Variants in ALKBH5 observed in about 807,000 individuals in gnomAD.
ALKBH5 encodes the protein RNA demethylase ALKBH5.
A neutral mutation model predicts 32.1 loss-of-function variants in ALKBH5; 2 were observed. The observed-to-expected ratio is 0.06, with a 90% CI of 0.03 to 0.20. ALKBH5 has a LOEUF of 0.20. Ranked by LOEUF, ALKBH5 falls within the 10% of genes least tolerant of loss-of-function variation. ALKBH5 has a pLI of 1.00. For synonymous variants in ALKBH5, 300 were observed against 231.7 expected (o/e 1.29, Z -2.68); for missense variants, 352 against 559.5 (o/e 0.63, Z 3.74).
At chr17:18,204,676 C>T (rs1264080613) in intron 2 of ALKBH5, among the ~76,000 whole-genome samples, 1 of 151,644 alleles carries the variant, frequency 6.6e-6, no homozygotes, top group Non-Finnish European at 1.5e-5. Context: ...GTGGGAGGAT[C>T]GCTTGAAGTT....
At chr17:18,205,426 T>G (rs2047264039) in intron 2 of ALKBH5, among the ~76,000 whole-genome samples, 1 of 152,190 alleles carries the variant, frequency 6.6e-6, no homozygotes, top group Non-Finnish European at 1.5e-5. Flanking sequence ...CCCAAAGGGA[T>G]GGGGATGCCT....
intron 3 of ALKBH5, 105 bp from the exon 4 acceptor site, chr17:18,208,114 A>G (rs1476468754): frequency 3.2e-6 from 4 of 1,248,868 alleles, no homozygotes; most frequent in Non-Finnish European, 4.5e-6. Flanking sequence ...GTTGAGGACC[A>G]CTGAGCTGAA....
chr17:18,202,337 A>G (rs546721786), intron 2 of ALKBH5, among the ~76,000 whole-genome samples: 1 of 152,136 alleles, frequency 6.6e-6, no homozygotes, highest in East Asian at 1.9e-4. Context: ...AAAAAAAAAC[A>G]GAAGTCTGAT....
At chr17:18,191,949 T>TTAAAAAAA (rs2047177502) in intron 1 of ALKBH5, among the ~76,000 whole-genome samples, 2 of 140,748 alleles carry the variant, frequency 1.4e-5, no homozygotes, top group African/African-American at 5.3e-5. Flanking sequence ...ACTCTGTCTT[T>TTAAAAAAA]AAAAAAAAAA....
intron 1 of ALKBH5, among the ~76,000 whole-genome samples, chr17:18,188,542 G>T (rs2047153579): frequency 6.6e-6 from 1 of 152,222 alleles, no homozygotes; most frequent in Non-Finnish European, 1.5e-5. Flanking sequence ...GGGCAGATAG[G>T]TCCTGGGCCA....
At chr17:18,189,473 A>G (rs1390798589) in intron 1 of ALKBH5, among the ~76,000 whole-genome samples, 1 of 152,200 alleles carries the variant, frequency 6.6e-6, no homozygotes, top group Non-Finnish European at 1.5e-5. Flanking sequence ...TCTGGGGGAT[A>G]TAGGTTCATC....
At chr17:18,194,812 T>C (rs2047196493) in intron 1 of ALKBH5, 143 bp from the exon 2 acceptor site, 1 of 632,116 alleles carries the variant, frequency 1.6e-6, no homozygotes, top group African/African-American at 1.8e-5. Flanking sequence ...TGATATTCCC[T>C]TCCATGTAGA....
At position 18,184,333 on chromosome 17, in the gene ALKBH5, CGCCGCCGCTGCCGCAGCCGCCGTA is replaced by C. The variant is rs1338040647; in HGVS notation, c.99_122del (p.Val38_Ala45del). 1.1e-5 allele frequency: 16 copies of C among 1,511,478 alleles called. No individual in the cohort carries two copies. The highest frequency in any genetic ancestry group is 5.2e-5 in the East Asian group (2 of 38,738). The allele number at this position is 1,511,478 out of a possible 1,614,324, so 93.6% of individuals were successfully genotyped here. A position where few individuals can be genotyped will look rare whatever the true frequency, so the allele number is the denominator to read the frequency against. On this transcript the variant is annotated inframe_deletion, in exon 1 of 4. Coordinates refer to ENST00000399138, the MANE Select transcript of ALKBH5 (RefSeq NM_017758.4). ...ACTATAAGGCGGGCAGCCGGGAGGC[CGCCGCCGCTGCCGCAGCCGCCGTA>C]GCCGCCGCAGCCGCAGCCGCCGCTG...
At chr17:18,199,790 C>G (rs1157556980) in intron 2 of ALKBH5, among the ~76,000 whole-genome samples, 1 of 152,072 alleles carries the variant, frequency 6.6e-6, no homozygotes, top group African/African-American at 2.4e-5. Flanking sequence ...AGGGTATTCT[C>G]TGGGAGCCCT....
rs1477046611 is a variant in ALKBH5 at position 18,209,890 on chromosome 17, G to C, written c.*1494G>C. On this transcript the variant is annotated 3_prime_UTR_variant, in exon 4 of 4. Coordinates refer to ENST00000399138, the MANE Select transcript of ALKBH5 (RefSeq NM_017758.4). ...TTTCCCAAAAATGATTTGTAGTTGT[G>C]TGTGCAGCACTTCGCCCTGATATGT... The C allele has an allele frequency of 6.6e-6, 1 of 152,618 alleles. No homozygotes were observed. The highest frequency in any genetic ancestry group is 2.1e-4 in the South Asian group (1 of 4,828). 9.5% of individuals were successfully genotyped at this position (152,618 alleles called of 1,614,324 possible). A position where few individuals can be genotyped will look rare whatever the true frequency, so the allele number is the denominator to read the frequency against.
At chr17:18,191,463 C>CT (rs2047174532) in intron 1 of ALKBH5, among the ~76,000 whole-genome samples, 3 of 152,166 alleles carry the variant, frequency 2.0e-5, no homozygotes, top group Admixed American at 1.3e-4. Context: ...TTCTAGAGCC[C>CT]TTTGGGGGAT....
At chr17:18,208,137 A>G (rs2047280776) in intron 3 of ALKBH5, 82 bp from the exon 4 acceptor site, 2 of 1,442,302 alleles carry the variant, frequency 1.4e-6, no homozygotes, top group Non-Finnish European at 1.9e-6. Flanking sequence ...GACCCATCCC[A>G]AGGATGAGAC....
chr17:18,184,347 C>T lies in ALKBH5; in HGVS notation c.104C>T (p.Ala35Val), dbSNP rs2047122782. 6.6e-7 allele frequency: 1 copy of T among 1,513,696 alleles called. No homozygotes were observed. Among genetic ancestry groups the T allele is most frequent in the Non-Finnish European group, 8.8e-7 (1 of 1,134,564 alleles). 93.8% of individuals were successfully genotyped at this position (1,513,696 alleles called of 1,614,324 possible). Residue 35 changes from alanine to valine, a missense_variant, in exon 1 of 4, where the codon GCA (alanine) becomes GTA (valine). Ala to Val is a moderately conservative substitution (Grantham distance 64, BLOSUM62 0). Coordinates refer to ENST00000399138, the MANE Select transcript of ALKBH5 (RefSeq NM_017758.4). ...AGSREAAAAA[A>V]AAVAAAAAAA... ...AGCCGGGAGGCCGCCGCCGCTGCCG[C>T]AGCCGCCGTAGCCGCCGCAGCCGCA... is the stretch of plus-strand genomic sequence containing the variant.
rs1386180809 is a variant in ALKBH5, at chr17:18,184,058, C to T, written c.-186C>T. 4.4e-6 allele frequency: 3 copies of T among 681,990 alleles called. No homozygotes were observed. The highest frequency in any genetic ancestry group is 7.9e-6 in the Non-Finnish European group (3 of 378,498). The allele number at this position is 681,990 out of a possible 1,614,324, so 42.2% of individuals were successfully genotyped here. The stretch of plus-strand genomic sequence containing the variant: ...CCCGTTGTCGCCACCGTTGCATGAC[C>T]CGCCGCTCCTGAGGCCCTACCCCAC... On this transcript the variant is annotated 5_prime_UTR_variant, in exon 1 of 4. Transcript: ENST00000399138.
intron 1 of ALKBH5, 72 bp from the exon 2 acceptor site, chr17:18,194,883 C>T: frequency 1.5e-6 from 2 of 1,350,288 alleles, no homozygotes; most frequent in Non-Finnish European, 2.1e-6. Context: ...ATGTTCCTGT[C>T]CTGTTATATC....
chr17:18,193,142 G>A (rs1024782492), intron 1 of ALKBH5, among the ~76,000 whole-genome samples: 4 of 151,974 alleles, frequency 2.6e-5, no homozygotes, highest in Non-Finnish European at 5.9e-5. Flanking sequence ...GATTACAGGC[G>A]TGAGCCACCG....
At chr17:18,185,893 T>A (rs1037839660) in intron 1 of ALKBH5, among the ~76,000 whole-genome samples, 2 of 152,148 alleles carry the variant, frequency 1.3e-5, no homozygotes, top group Admixed American at 6.5e-5. Flanking sequence ...AACCTAGTAA[T>A]GTAATTCAGT....
chr17:18,192,854 C>A (rs200564428), intron 1 of ALKBH5, among the ~76,000 whole-genome samples: 1 of 115,586 alleles, frequency 8.7e-6, no homozygotes, highest in Non-Finnish European at 1.7e-5. Flanking sequence ...CTGTCTTTTT[C>A]TTTTTTTTTT....
intron 2 of ALKBH5, among the ~76,000 whole-genome samples, chr17:18,201,910 G>A (rs1038285324): frequency 1.3e-5 from 2 of 152,078 alleles, no homozygotes; most frequent in Non-Finnish European, 2.9e-5. Context: ...AGCTACTCGC[G>A]AGCCTGAGGC....
Sources: gnomAD v4.1 joint callset for allele counts (sites outside exome capture counted in the v4.1 genomes callset) on GRCh38, gnomAD v4.1.1 for gene constraint, MANE v1.5 for transcripts, NCBI Gene and HGNC (gene_info 2026-07-23, HGNC 2026-07-21) for gene names.